CSMD2: variants seen among roughly 807,000 people sequenced by gnomAD.
The protein encoded by CSMD2 is CUB and Sushi multiple domains 2, also known as CUB and sushi domain-containing protein 2.
Under a neutral mutation model 398.5 loss-of-function variants are expected in CSMD2, and 130 were observed. The observed-to-expected ratio is 0.33, with a 90% CI of 0.28 to 0.38. The LOEUF (loss-of-function observed/expected upper bound fraction) is 0.38, where lower values mean the gene tolerates loss of function less well. Among genes scored for constraint, CSMD2 ranks in the 10% least tolerant of loss-of-function variants. CSMD2 has a pLI of 1.00. For missense variants in CSMD2, 3,829 were observed against 4,764.9 expected (o/e 0.80, Z 5.78); for synonymous variants, 1,828 against 1,908.5 (o/e 0.96, Z 1.10).
At chr1:33,602,752 A>G (rs972522304) in intron 42 of CSMD2, among the ~76,000 whole-genome samples, 1 of 152,070 alleles carries the variant, frequency 6.6e-6, no homozygotes, top group African/African-American at 2.4e-5. Flanking sequence ...CTGGCTCTCA[A>G]TCATCACTGC....
At chr1:33,613,074 G>C (rs1000367076) in intron 40 of CSMD2, among the ~76,000 whole-genome samples, 1 of 152,186 alleles carries the variant, frequency 6.6e-6, no homozygotes, top group Non-Finnish European at 1.5e-5. Flanking sequence ...ATCTAGTGGA[G>C]CAGCATGTAG....
intron 2 of CSMD2, among the ~76,000 whole-genome samples, chr1:34,042,094 C>T (rs1317084048): frequency 6.6e-6 from 1 of 152,204 alleles, no homozygotes; most frequent in Non-Finnish European, 1.5e-5. Context: ...TCAACAAACT[C>T]CAACCTGGAA....
intron 1 of CSMD2, among the ~76,000 whole-genome samples, chr1:34,151,407 C>T (rs776974306): frequency 6.6e-5 from 10 of 151,962 alleles, no homozygotes; most frequent in African/African-American, 9.7e-5. Context: ...GAAAAGGCCA[C>T]GGAGGGGAGG....
At chr1:34,069,177 G>T (rs1269448186) in intron 2 of CSMD2, among the ~76,000 whole-genome samples, 1 of 152,110 alleles carries the variant, frequency 6.6e-6, no homozygotes, top group East Asian at 1.9e-4. Flanking sequence ...ACTCTGTACT[G>T]GTGTCATCTA....
At chr1:33,620,964 C>CA (rs1397848331) in intron 37 of CSMD2, among the ~76,000 whole-genome samples, 1 of 152,142 alleles carries the variant, frequency 6.6e-6, no homozygotes, top group African/African-American at 2.4e-5. Context: ...CTGACCCAAT[C>CA]AGACATCTAG....
intron 2 of CSMD2, among the ~76,000 whole-genome samples, chr1:34,083,265 A>T (rs1558355401): frequency 6.6e-6 from 1 of 152,158 alleles, no homozygotes; most frequent in Non-Finnish European, 1.5e-5. Flanking sequence ...AGAACCAGAG[A>T]GGCTGAGATG....
intron 3 of CSMD2, among the ~76,000 whole-genome samples, chr1:33,988,282 G>A (rs904496571): frequency 6.6e-6 from 1 of 152,244 alleles, no homozygotes; most frequent in Non-Finnish European, 1.5e-5. Flanking sequence ...GGAGACCCGA[G>A]TGACATGTGA....
At chr1:33,741,833 C>A (rs1446326552) in intron 14 of CSMD2, among the ~76,000 whole-genome samples, 1 of 152,120 alleles carries the variant, frequency 6.6e-6, no homozygotes, top group Non-Finnish European at 1.5e-5. Context: ...ATGCTGCAAA[C>A]CCACATGACT....
In CSMD2 at chr1:33,537,028, G is replaced by A; in HGVS notation, c.9873C>T (p.Gly3291=). The A allele has an allele frequency of 6.2e-7, 1 of 1,614,140 alleles. No homozygotes were observed. Among genetic ancestry groups the A allele is most frequent in the South Asian group, 1.1e-5 (1 of 91,084 alleles). ...TCTTGGCTGACCTCCTTACCTGGTAGCCCTGAGAATTGTTCTGTATCCCAA... is the reference window on the plus strand; with the variant it reads ...TCTTGGCTGACCTCCTTACCTGGTAACCCTGAGAATTGTTCTGTATCCCAA... ...PQFGIQNNSQ[G]YQVGSTVLFR... is the part of the protein sequence containing the mutation. The change falls in exon 62 of 71, where the codon GGC becomes GGT. Residue 3291 remains glycine (G), a synonymous_variant. Coordinates refer to ENST00000373381, the MANE Select transcript of CSMD2 (RefSeq NM_001281956.2). The surrounding 1 kb of genome is among the most constrained non-coding windows in gnomAD (Gnocchi z 4.6).
Position 33,792,456 on chromosome 1 carries a change from C to T in CSMD2, c.1517G>A (p.Gly506Asp). 6.2e-7 allele frequency: 1 copy of T among 1,613,926 alleles called. No individual in the cohort carries two copies. The highest frequency in any genetic ancestry group is 8.5e-7 in the Non-Finnish European group (1 of 1,179,858). ...GYDTLTVGDG[G>D]QDGDQKTVLY... is the part of the protein sequence containing the mutation. Reference sequence around the variant, plus strand: ...AACTGTCTTCTGGTCCCCATCCTGACCACCATCACCGACCGTCAGGGTGTC... The same window carrying T: ...AACTGTCTTCTGGTCCCCATCCTGATCACCATCACCGACCGTCAGGGTGTC... Residue 506 changes from glycine (G) to aspartate (D), a missense_variant, in exon 11 of 71, where the codon GGT (glycine) becomes GAT (aspartate). Coordinates refer to ENST00000373381, the MANE Select transcript of CSMD2 (RefSeq NM_001281956.2).
chr1:33,838,056 T>C (rs956991163), intron 6 of CSMD2, among the ~76,000 whole-genome samples: 4 of 152,226 alleles, frequency 2.6e-5, no homozygotes, highest in Admixed American at 6.5e-5. Flanking sequence ...AGGCCTAACC[T>C]GTCTCCAAGG....
At position 33,569,526 on chromosome 1, in the gene CSMD2, G is replaced by A. The variant is rs143412596; in HGVS notation, c.7979C>T (p.Pro2660Leu). The change falls in exon 52 of 71, where the codon CCG becomes CTG. Residue 2660 changes from proline to leucine, a missense_variant. This residue lies in a region of CSMD2 where 723 missense variants were observed against 758.6 expected (regional missense o/e 0.95). Transcript: ENST00000373381. ...TCRIISCGEL[P>L]IPPNGHRIGT... ...GATGCGGTGGCCATTGGGGGGAATC[G>A]GGAGCTCTCCACAGGAGATGACTAA... 15 of 1,613,930 alleles carry A rather than the reference G, an allele frequency of 9.3e-6. No individual in the cohort carries two copies. The highest frequency in any genetic ancestry group is 1.7e-5 in the Admixed American group (1 of 60,002).
At chr1:34,102,592 A>G (rs112161718) in intron 1 of CSMD2, among the ~76,000 whole-genome samples, 62 of 78,672 alleles carry the variant, frequency 7.9e-4, no homozygotes, top group African/African-American at 2.4e-3. Flanking sequence ...ATATCCCTGT[A>G]ATCCGGCCAT....
At chr1:33,794,982 C>T (rs1654778903) in intron 10 of CSMD2, among the ~76,000 whole-genome samples, 1 of 151,606 alleles carries the variant, frequency 6.6e-6, no homozygotes, top group African/African-American at 2.4e-5. Context: ...GGACCTGTAG[C>T]AAGGTCTAGA....
chr1:33,613,237 A>G (rs1053097898), intron 40 of CSMD2, among the ~76,000 whole-genome samples: 7 of 152,200 alleles, frequency 4.6e-5, no homozygotes, highest in Non-Finnish European at 1.0e-4. Context: ...CAGAATTTAG[A>G]GGTGAAAATG....
At chr1:33,608,200 G>A (rs538731411) in intron 41 of CSMD2, among the ~76,000 whole-genome samples, 1,746 of 152,256 alleles carry the variant, frequency 0.011, 31 homozygotes, top group African/African-American at 0.04. Flanking sequence ...CTCTTCTGTC[G>A]AGGGAGTCAA....
chr1:33,756,694 T>C (rs1649071683), intron 13 of CSMD2, among the ~76,000 whole-genome samples: 1 of 152,190 alleles, frequency 6.6e-6, no homozygotes, highest in South Asian at 2.1e-4. Context: ...CTAAAGAGGA[T>C]GACAAGGTCT....
intron 25 of CSMD2, among the ~76,000 whole-genome samples, chr1:33,680,851 C>T (rs1557721816): frequency 6.8e-6 from 1 of 147,146 alleles, no homozygotes; most frequent in African/African-American, 2.5e-5. Flanking sequence ...TGGGGGTTAT[C>T]TGTTATATCA....
intron 25 of CSMD2, among the ~76,000 whole-genome samples, chr1:33,689,148 G>A (rs937514662): frequency 6.6e-6 from 1 of 151,864 alleles, no homozygotes; most frequent in Non-Finnish European, 1.5e-5. Flanking sequence ...GGGGGAGGAC[G>A]GAGTGAGCAC....
Sources: gnomAD v4.1 joint callset for allele counts (sites outside exome capture counted in the v4.1 genomes callset) on GRCh38, gnomAD v4.1.1 for gene constraint, gnomAD v4.1.1 regional missense constraint, Gnocchi (gnomAD v3.1) non-coding constraint, MANE v1.5 for transcripts, NCBI Gene and HGNC (gene_info 2026-07-23, HGNC 2026-07-21) for gene names.